Variants in AGO2 observed in about 807,000 individuals in gnomAD.
The protein encoded by AGO2 is protein argonaute-2.
AGO2 carries 5 observed loss-of-function variants against 102.3 expected under a neutral mutation model. The observed-to-expected ratio is 0.05, with a 90% CI of 0.03 to 0.10. The LOEUF (loss-of-function observed/expected upper bound fraction) is 0.10. Ranked by LOEUF, AGO2 falls within the 10% of genes least tolerant of loss-of-function variation. The pLI is 1.00. For missense variants in AGO2, 541 were observed against 1,183.7 expected (o/e 0.46, Z 7.97); for synonymous variants, 449 against 473.1 (o/e 0.95, Z 0.66).
intron 14 of AGO2, among the ~76,000 whole-genome samples, chr8:140,543,541 G>A (rs55699506): frequency 0.049 from 7,394 of 152,092 alleles, 422 homozygotes; most frequent in African/African-American, 0.13. Flanking sequence ...CTGCAGCCTC[G>A]ACCTCCTGTG....
rs750084158 is a variant in AGO2 at position 140,535,526 on chromosome 8, G to A, written c.2213C>T (p.Thr738Met). 8.7e-6 allele frequency: 14 copies of A among 1,614,186 alleles called. No individual in the cohort carries two copies. The highest frequency in any genetic ancestry group is 8.3e-5 in the Admixed American group (5 of 60,022). ...GAACTCGGTGGGGTGGGTGATTTTC[G>A]TGTCCACAGTCGTGCCTGCTGGAAT... is the stretch of plus-strand genomic sequence containing the variant. ...GNIPAGTTVD[T>M]KITHPTEFDF... Residue 738 changes from threonine to methionine, a missense_variant, in exon 17 of 19, where the codon ACG becomes ATG. Physicochemically the swap from Thr to Met is moderately conservative, Grantham distance 81. Around this residue, in one of 6 missense-constraint regions of AGO2, gnomAD observed 309 missense variants for 735.1 expected, o/e 0.42. Coordinates refer to ENST00000220592, the MANE Select transcript of AGO2 (RefSeq NM_012154.5).
At chr8:140,582,899 A>G (rs191563134) in intron 2 of AGO2, among the ~76,000 whole-genome samples, 1 of 152,338 alleles carries the variant, frequency 6.6e-6, no homozygotes, top group Admixed American at 6.5e-5. Context: ...TATGATGCTG[A>G]TTTTTAGGTG....
At chr8:140,580,879 G>A (rs2073546657) in intron 2 of AGO2, among the ~76,000 whole-genome samples, 1 of 152,270 alleles carries the variant, frequency 6.6e-6, no homozygotes, top group Admixed American at 6.5e-5. Flanking sequence ...TGTGCATGCA[G>A]CTCTTGCCCT....
At chr8:140,579,875 T>C (rs1451959258) in intron 2 of AGO2, among the ~76,000 whole-genome samples, 5 of 152,174 alleles carry the variant, frequency 3.3e-5, no homozygotes, top group Non-Finnish European at 7.4e-5. Context: ...CAAGGCTGAG[T>C]GTGACACAGC....
chr8:140,573,318 C>T lies in AGO2; in HGVS notation c.216-386G>A, dbSNP rs141773488. Among the ~76,000 whole-genome samples the T allele has an allele frequency of 2.8e-4, 42 of 151,962 alleles. 1 individual carries two copies. The highest frequency in any genetic ancestry group is 1.2e-3 in the East Asian group (6 of 5,178). ...CCAAGTAGCTAGGATTACAGGTGCC[C>T]GCCACCACACTTGGCTAATTTTTTG... On this transcript the variant is annotated intron_variant, in intron 2 of 18. Transcript: ENST00000220592.
chr8:140,571,937 C>T (rs1423454986), intron 3 of AGO2, among the ~76,000 whole-genome samples: 7 of 152,042 alleles, frequency 4.6e-5, no homozygotes, highest in Non-Finnish European at 1.0e-4. Context: ...TTTCACCATA[C>T]TGGCCAGGCT....
intron 1 of AGO2, among the ~76,000 whole-genome samples, chr8:140,602,998 A>C (rs188094689): frequency 7.0e-4 from 107 of 152,376 alleles, no homozygotes; most frequent in Non-Finnish European, 1.3e-3. Flanking sequence ...AGGCCGTGCC[A>C]CGTGCAGTGT....
rs186840286 is a variant in AGO2, at chr8:140,547,331, G to C, written c.1748+137C>G. On this transcript the variant is annotated intron_variant, in intron 13 of 18. Transcript: ENST00000220592. Reference sequence around the variant, plus strand: ...AGCCAGATCTATGTCTGACATCTTTGCTCTGCTGTGGCCAGGACGGTGCTG... The same window carrying C: ...AGCCAGATCTATGTCTGACATCTTTCCTCTGCTGTGGCCAGGACGGTGCTG... The C allele has an allele frequency of 7.2e-4, 806 of 1,112,494 alleles. 5 individuals carry two copies. In the African/African-American group the frequency reaches 0.011, roughly 16 times the overall value. The allele number at this position is 1,112,494 out of a possible 1,614,324, so 68.9% of individuals were successfully genotyped here. A position where few individuals can be genotyped will look rare whatever the true frequency, so the allele number is the denominator to read the frequency against.
intron 2 of AGO2, among the ~76,000 whole-genome samples, chr8:140,581,680 A>G (rs2073559632): frequency 6.6e-6 from 1 of 152,240 alleles, no homozygotes; most frequent in Admixed American, 6.5e-5. Context: ...ATATACTAAA[A>G]GATCTAGGAA....
intron 14 of AGO2, 58 bp downstream of exon 14, chr8:140,544,155 T>A (rs989374488): frequency 3.3e-6 from 5 of 1,500,274 alleles, no homozygotes; most frequent in African/African-American, 1.5e-5. Context: ...ACAGTGGGAC[T>A]TCGACAGCGT....
intron 1 of AGO2, among the ~76,000 whole-genome samples, chr8:140,628,812 G>A (rs1588519427): frequency 2.0e-5 from 3 of 151,910 alleles, no homozygotes; most frequent in Admixed American, 1.3e-4. Flanking sequence ...TAGGCCGGGC[G>A]CGGTGGCTCA....
Position 140,523,459 on chromosome 8 carries a change from T to G in AGO2, c.*8585A>C, listed in dbSNP as rs957229228. 1.3e-5 allele frequency: 2 copies of G among 152,164 alleles called. No individual in the cohort carries two copies. The highest frequency in any genetic ancestry group is 4.8e-5 in the African/African-American group (2 of 41,436). 9.4% of individuals were successfully genotyped at this position (152,164 alleles called of 1,614,324 possible). The stretch of plus-strand genomic sequence containing the variant: ...AGGGTTAAAAGCCCTCAATATGTAT[T>G]AGGTAAGTAATCTGAAGTGTACCAG... On this transcript the variant is annotated 3_prime_UTR_variant, in exon 19 of 19. Coordinates refer to ENST00000220592, the MANE Select transcript of AGO2 (RefSeq NM_012154.5).
intron 1 of AGO2, among the ~76,000 whole-genome samples, chr8:140,599,574 G>A (rs1447197519): frequency 6.6e-6 from 1 of 152,144 alleles, no homozygotes; most frequent in African/African-American, 2.4e-5. Context: ...TACCTATGGG[G>A]TCCAGGCCAT....
intron 1 of AGO2, among the ~76,000 whole-genome samples, chr8:140,588,295 C>T (rs192744116): frequency 1.1e-4 from 17 of 152,290 alleles, no homozygotes; most frequent in Non-Finnish European, 2.4e-4. Context: ...GCACAGCGCA[C>T]CTCAGTCACA....
intron 16 of AGO2, among the ~76,000 whole-genome samples, chr8:140,536,056 C>A (rs772260050): frequency 6.6e-6 from 1 of 152,184 alleles, no homozygotes; most frequent in Non-Finnish European, 1.5e-5. Context: ...CGGTAGCTTG[C>A]GCCCAGCACC....
At chr8:140,616,471 T>C (rs1165059799) in intron 1 of AGO2, among the ~76,000 whole-genome samples, 1 of 150,808 alleles carries the variant, frequency 6.6e-6, no homozygotes, top group African/African-American at 2.4e-5. Context: ...ACACAATCAC[T>C]TATTGATAAT....
Position 140,539,185 on chromosome 8 carries a change from G to T in AGO2, c.2169+135C>A. 2 of 1,270,746 alleles carry T rather than the reference G, an allele frequency of 1.6e-6. No homozygotes were observed. Among genetic ancestry groups the T allele is most frequent in the Non-Finnish European group, 2.1e-6 (2 of 936,892 alleles). The allele number at this position is 1,270,746 out of a possible 1,614,324, so 78.7% of individuals were successfully genotyped here. A position where few individuals can be genotyped will look rare whatever the true frequency, so the allele number is the denominator to read the frequency against. Reference sequence around the variant, plus strand: ...GTGTCTAAACCTGGGTCCCCATGAAGCCCCTTAGAGGACAGAGTCACCCTA... The same window carrying T: ...GTGTCTAAACCTGGGTCCCCATGAATCCCCTTAGAGGACAGAGTCACCCTA... On this transcript the variant is annotated intron_variant, in intron 16 of 18. Coordinates refer to ENST00000220592, the MANE Select transcript of AGO2 (RefSeq NM_012154.5). The surrounding 1 kb of genome is among the most constrained non-coding windows in gnomAD (Gnocchi z 4.7).
At chr8:140,534,826 G>A (rs1027208621) in intron 17 of AGO2, among the ~76,000 whole-genome samples, 10 of 152,196 alleles carry the variant, frequency 6.6e-5, no homozygotes, top group African/African-American at 2.2e-4. Context: ...TCCCCCGGGC[G>A]AGGCTCTGCA....
chr8:140,589,358 A>AACC lies in AGO2; in HGVS notation c.23-4050_23-4048dup, dbSNP rs954652863. Among the ~76,000 whole-genome samples, 1 of 152,116 alleles carries AACC rather than the reference A, an allele frequency of 6.6e-6. No individual in the cohort carries two copies. The highest frequency in any genetic ancestry group is 1.5e-5 in the Non-Finnish European group (1 of 67,984). On this transcript the variant is annotated intron_variant, in intron 1 of 18. Coordinates refer to ENST00000220592, the MANE Select transcript of AGO2 (RefSeq NM_012154.5). This position sits in a 1 kb window ranked among gnomAD's most constrained non-coding sequence, Gnocchi z 4.2. Reference sequence around the variant, plus strand: ...AAGCCGCTTTGGCTACCGGCGGGTGAACCACAGGCCCGGGTCAGCACCCAT... The same window carrying AACC: ...AAGCCGCTTTGGCTACCGGCGGGTGAACCACCACAGGCCCGGGTCAGCACCCAT...
Sources: allele counts gnomAD v4.1 joint callset (sites outside exome capture counted in the v4.1 genomes callset), GRCh38; gene constraint gnomAD v4.1.1; regional missense constraint gnomAD v4.1.1; non-coding constraint Gnocchi (gnomAD v3.1); transcripts MANE v1.5; gene names NCBI Gene and HGNC (gene_info 2026-07-23, HGNC 2026-07-21).